Variants in LAMA2 observed in about 807,000 individuals in gnomAD.
The protein encoded by LAMA2 is laminin subunit alpha 2, also known as laminin subunit alpha-2.
In LAMA2, 269 loss-of-function variants were observed where a neutral mutation model predicts 364.8. The observed-to-expected ratio is 0.74, with a 90% CI of 0.67 to 0.82. The LOEUF is 0.82. LAMA2 is among the 40% of genes least tolerant of loss of function. The pLI, the probability that LAMA2 is intolerant of heterozygous loss-of-function variation, is 0.00. For missense variants in LAMA2, 3,807 were observed against 3,873.2 expected (o/e 0.98, Z 0.45); for synonymous variants, 1,379 against 1,370.6 (o/e 1.01, Z -0.14).
At chr6:129,054,750 A>G (rs1032105806) in intron 2 of LAMA2, among the ~76,000 whole-genome samples, 21 of 149,172 alleles carry the variant, frequency 1.4e-4, no homozygotes, top group African/African-American at 5.1e-4. Flanking sequence ...TTATGTATAT[A>G]TAATAATATG....
At chr6:129,456,734 G>A (rs918204091) in intron 48 of LAMA2, among the ~76,000 whole-genome samples, 1 of 152,104 alleles carries the variant, frequency 6.6e-6, no homozygotes, top group Non-Finnish European at 1.5e-5. Context: ...GTCTTTATCT[G>A]TGGCATCAGT....
chr6:129,303,342 T>A (rs145331877), intron 22 of LAMA2, among the ~76,000 whole-genome samples: 40 of 152,284 alleles, frequency 2.6e-4, no homozygotes, highest in African/African-American at 8.9e-4. Flanking sequence ...TTTGGTCCAT[T>A]TAGTGAGATT....
chr6:129,485,747 A>G (rs2114847514), intron 55 of LAMA2, among the ~76,000 whole-genome samples: 1 of 152,264 alleles, frequency 6.6e-6, no homozygotes, highest in South Asian at 2.1e-4. Context: ...TTGGAACATG[A>G]TGATGTTTGA....
At chr6:129,033,217 T>TAA (rs56962805) in intron 1 of LAMA2, among the ~76,000 whole-genome samples, 2 of 140,400 alleles carry the variant, frequency 1.4e-5, no homozygotes, top group African/African-American at 2.6e-5. Context: ...TAGTTACTGA[T>TAA]AAAAAAAAAA....
chr6:129,516,220 G>A lies in LAMA2; in HGVS notation c.9242G>A (p.Ser3081Asn). Residue 3081 changes from serine to asparagine, a missense_variant, in exon 65 of 65, where the codon AGT becomes AAT. Transcript: ENST00000421865. ...DDLKQFGLTT[S>N]IPFRGCIRSL... ...CTCAAGCAGTTTGGCCTAACAACCA[G>A]TATTCCGTTCCGAGGTTGCATCAGA... 1.9e-6 allele frequency: 3 copies of A among 1,614,108 alleles called. No homozygotes were observed. The highest frequency in any genetic ancestry group is 1.7e-5 in the Admixed American group (1 of 60,016).
Position 129,393,186 on chromosome 6 carries a change from A to T in LAMA2, c.5376A>T (p.Glu1792Asp). Residue 1792 changes from glutamate (E) to aspartate (D), a missense_variant, in exon 37 of 65, where the codon GAA becomes GAT. Glu to Asp is a conservative substitution (Grantham distance 45). Around this residue, in one of 3 missense-constraint regions of LAMA2, gnomAD observed 3,333 missense variants for 3,345.7 expected, o/e 1.00. Transcript: ENST00000421865. Reference sequence around the variant, plus strand: ...ATGATGCTTGGGACCTTTTGAGAGAAGCCACAGATAAAATCAGAGAAGCTA... The same window carrying T: ...ATGATGCTTGGGACCTTTTGAGAGATGCCACAGATAAAATCAGAGAAGCTA... ...KVDDAWDLLR[E>D]ATDKIREANR... 2 of 1,614,114 alleles carry T rather than the reference A, an allele frequency of 1.2e-6. No homozygotes were observed. Among genetic ancestry groups the T allele is most frequent in the Non-Finnish European group, 1.7e-6 (2 of 1,179,970 alleles).
chr6:129,395,064 A>T (rs2437092), intron 37 of LAMA2, among the ~76,000 whole-genome samples: 1 of 151,848 alleles, frequency 6.6e-6, no homozygotes, highest in Non-Finnish European at 1.5e-5. Context: ...TGAAAATCAC[A>T]TGGGGTGTTT....
chr6:129,508,260 G>T (rs772786185), intron 62 of LAMA2, among the ~76,000 whole-genome samples: 24 of 152,026 alleles, frequency 1.6e-4, no homozygotes, highest in Non-Finnish European at 3.5e-4. Context: ...TACACAGTGG[G>T]TGTATATATT....
chr6:129,051,957 GATAAA>G (rs1320888769), intron 2 of LAMA2, among the ~76,000 whole-genome samples: 2 of 149,550 alleles, frequency 1.3e-5, no homozygotes, highest in Non-Finnish European at 3.0e-5. Context: ...GAATTAGAGA[GATAAA>G]ATATGTAAAA....
intron 61 of LAMA2, 147 bp from the exon 62 acceptor site, chr6:129,507,342 A>G (rs926244836): frequency 8.7e-6 from 7 of 803,172 alleles, no homozygotes; most frequent in Non-Finnish European, 1.3e-5. Context: ...TGGTGGTAAC[A>G]GAGAACCCAG....
chr6:129,036,252 G>C (rs956549572), intron 1 of LAMA2, among the ~76,000 whole-genome samples: 3 of 151,992 alleles, frequency 2.0e-5, no homozygotes, highest in Admixed American at 6.6e-5. Context: ...ACTTTTAATA[G>C]TTATTTTCTT....
intron 4 of LAMA2, among the ~76,000 whole-genome samples, chr6:129,104,005 C>T (rs1180473647): frequency 6.6e-6 from 1 of 151,062 alleles, no homozygotes; most frequent in Non-Finnish European, 1.5e-5. Flanking sequence ...TGCCTTCCTC[C>T]CTTCCTTCCT....
chr6:129,441,298 G>A (rs895240602), intron 43 of LAMA2, among the ~76,000 whole-genome samples: 1 of 152,160 alleles, frequency 6.6e-6, no homozygotes, highest in Middle Eastern at 3.2e-3. Flanking sequence ...ATCCGTGTGT[G>A]TAATTAAAAA....
intron 1 of LAMA2, among the ~76,000 whole-genome samples, chr6:129,047,592 G>T (rs538068528): frequency 6.6e-6 from 1 of 152,244 alleles, no homozygotes; most frequent in Non-Finnish European, 1.5e-5. Flanking sequence ...AGAAAGAAAA[G>T]ATTCTTTGGG....
At chr6:129,007,702 G>T (rs763829690) in intron 1 of LAMA2, among the ~76,000 whole-genome samples, 1 of 152,136 alleles carries the variant, frequency 6.6e-6, no homozygotes, top group East Asian at 1.9e-4. Context: ...ATTTTCTGAT[G>T]AAGGAATAGT....
At chr6:129,051,711 T>G (rs999674924) in intron 2 of LAMA2, among the ~76,000 whole-genome samples, 1 of 52,248 alleles carries the variant, frequency 1.9e-5, no homozygotes, top group African/African-American at 8.3e-5. Context: ...TATAGATATC[T>G]ATATCTATAG....
intron 1 of LAMA2, among the ~76,000 whole-genome samples, chr6:128,983,571 T>A (rs1783026547): frequency 6.6e-6 from 1 of 152,164 alleles, no homozygotes; most frequent in African/African-American, 2.4e-5. Flanking sequence ...GCAGTGTGAT[T>A]AGTATAGTGC....
intron 4 of LAMA2, among the ~76,000 whole-genome samples, chr6:129,111,179 C>T (rs1352003444): frequency 1.3e-5 from 2 of 151,950 alleles, no homozygotes; most frequent in Non-Finnish European, 2.9e-5. Flanking sequence ...GAAAAATCTA[C>T]AGCAAAGCAT....
chr6:129,447,057 G>T (rs1782420959), intron 45 of LAMA2, among the ~76,000 whole-genome samples: 1 of 152,162 alleles, frequency 6.6e-6, no homozygotes, highest in Non-Finnish European at 1.5e-5. Context: ...GAAACCAGAT[G>T]TTACTTCAAG....
Sources: gnomAD v4.1 joint callset for allele counts (sites outside exome capture counted in the v4.1 genomes callset) on GRCh38, gnomAD v4.1.1 for gene constraint, gnomAD v4.1.1 regional missense constraint, MANE v1.5 for transcripts, NCBI Gene and HGNC (gene_info 2026-07-23, HGNC 2026-07-21) for gene names.